FNIP2: variants seen among roughly 807,000 people sequenced by gnomAD.
FNIP2 encodes folliculin interacting protein 2.
In FNIP2, 32 loss-of-function variants were observed where a neutral mutation model predicts 108.7. That is an observed-to-expected ratio of 0.29 (90% confidence interval 0.22 to 0.40). The LOEUF is 0.40. FNIP2 is among the 10% of genes least tolerant of loss of function. The pLI is 1.00. For synonymous variants in FNIP2, 480 were observed against 496.7 expected, an observed-to-expected ratio of 0.97 and a Z score of 0.45; for missense variants, 1,202 against 1,381.6, an observed-to-expected ratio of 0.87 and a Z score of 2.06.
chr4:158,874,077 T>C (rs1027916171), intron 14 of FNIP2, among the ~76,000 whole-genome samples: 2 of 152,206 alleles, frequency 1.3e-5, no homozygotes, highest in African/African-American at 4.8e-5. Context: ...TGGCTTGAGT[T>C]TGAGTCCTGG....
intron 14 of FNIP2, among the ~76,000 whole-genome samples, chr4:158,886,696 A>G (rs1782042772): frequency 1.3e-5 from 2 of 152,218 alleles, no homozygotes; most frequent in Admixed American, 6.5e-5. Context: ...AAAGAGGGTA[A>G]TTGATGTCAG....
chr4:158,820,388 C>G (rs911631111), intron 1 of FNIP2, among the ~76,000 whole-genome samples: 1 of 152,148 alleles, frequency 6.6e-6, no homozygotes. Context: ...AGCAAATCAC[C>G]CTGCAACATG....
intron 1 of FNIP2, among the ~76,000 whole-genome samples, chr4:158,783,724 T>C (rs1776126899): frequency 6.6e-6 from 1 of 152,214 alleles, no homozygotes; most frequent in South Asian, 2.1e-4. Flanking sequence ...ACATTTGAAC[T>C]GCATTGCTCT....
At chr4:158,883,969 T>C (rs1224201755) in intron 14 of FNIP2, among the ~76,000 whole-genome samples, 1 of 65,030 alleles carries the variant, frequency 1.5e-5, no homozygotes, top group Admixed American at 1.6e-4. Context: ...TTTTTTTTTT[T>C]GTCCTGAGTG....
intron 1 of FNIP2, chr4:158,806,037 C>T (rs947435905): frequency 2.8e-6 from 2 of 702,688 alleles, no homozygotes; most frequent in Non-Finnish European, 3.6e-6. Flanking sequence ...ATGAATGTTC[C>T]ACCTTTTTTT....
intron 1 of FNIP2, among the ~76,000 whole-genome samples, chr4:158,803,333 G>A (rs1222403908): frequency 6.6e-6 from 1 of 152,140 alleles, no homozygotes; most frequent in African/African-American, 2.4e-5. Flanking sequence ...GCATGATAAT[G>A]AATAACAATG....
At chr4:158,855,051 T>C (rs181432440) in intron 8 of FNIP2, among the ~76,000 whole-genome samples, 54 of 152,284 alleles carry the variant, frequency 3.5e-4, no homozygotes, top group Middle Eastern at 3.4e-3. Flanking sequence ...TCTATGCCTT[T>C]GGGGAGAAAG....
At chr4:158,883,326 C>A (rs1322680899) in intron 14 of FNIP2, among the ~76,000 whole-genome samples, 1 of 152,138 alleles carries the variant, frequency 6.6e-6, no homozygotes, top group African/African-American at 2.4e-5. Context: ...ACTGCAAGCT[C>A]CGCCTCCTGG....
At chr4:158,815,181 A>G (rs1238719457) in intron 1 of FNIP2, among the ~76,000 whole-genome samples, 1 of 152,166 alleles carries the variant, frequency 6.6e-6, no homozygotes, top group African/African-American at 2.4e-5. Flanking sequence ...GAACAAAGAG[A>G]TTAGGTAACT....
chr4:158,904,337 C>T, intron 16 of FNIP2, 129 bp from the exon 17 acceptor site: 1 of 796,472 alleles, frequency 1.3e-6, no homozygotes, highest in Non-Finnish European at 2.0e-6. Flanking sequence ...TTTGCTTTTT[C>T]ATTAGTTTTA....
At chr4:158,775,488 C>T (rs1321026915) in intron 1 of FNIP2, among the ~76,000 whole-genome samples, 1 of 152,094 alleles carries the variant, frequency 6.6e-6, no homozygotes, top group African/African-American at 2.4e-5. Context: ...TTCCCTCAAC[C>T]CCACCCCATC....
At chr4:158,816,733 C>T (rs1316236827) in intron 1 of FNIP2, among the ~76,000 whole-genome samples, 1 of 148,736 alleles carries the variant, frequency 6.7e-6, no homozygotes, top group Non-Finnish European at 1.5e-5. Flanking sequence ...TGCAGTGAGC[C>T]GAGATTGCAC....
rs372665345 is a variant in FNIP2 at position 158,838,987 on chromosome 4, GAAGTA to G, written c.727+3516_727+3520del. Reference sequence around the variant, plus strand: ...GTGGGTTTGGGGAAGGAAGATCATAGAAGTAAAGTGCCATTTTCGTCACATCCTAT... The same window carrying G: ...GTGGGTTTGGGGAAGGAAGATCATAGAAGTGCCATTTTCGTCACATCCTAT... On this transcript the variant is annotated intron_variant, in intron 7 of 16. Coordinates refer to ENST00000264433, the MANE Select transcript of FNIP2 (RefSeq NM_020840.3). 2.8e-3 allele frequency among the ~76,000 whole-genome samples: 422 copies of G among 152,286 alleles called. 2 individuals are homozygous for G. The highest frequency in any genetic ancestry group is 9.6e-3 in the African/African-American group (401 of 41,562).
intron 14 of FNIP2, among the ~76,000 whole-genome samples, chr4:158,872,896 A>G (rs1781040270): frequency 6.6e-6 from 1 of 152,208 alleles, no homozygotes; most frequent in South Asian, 2.1e-4. Flanking sequence ...CAGAAAAAGA[A>G]GCAGAGATCC....
chr4:158,875,852 C>T (rs1781251654), intron 14 of FNIP2, among the ~76,000 whole-genome samples: 1 of 152,020 alleles, frequency 6.6e-6, no homozygotes, highest in South Asian at 2.1e-4. Flanking sequence ...GTCCACTGGC[C>T]TATGGAGCAC....
At position 158,825,949 on chromosome 4, in the gene FNIP2, T is replaced by G. The variant is rs746342802; in HGVS notation, c.141T>G (p.Ile47Met). 6.2e-7 allele frequency: 1 copy of G among 1,608,700 alleles called. No homozygotes were observed. The highest frequency in any genetic ancestry group is 2.2e-5 in the East Asian group (1 of 44,816). ...GTTCGGAGTTTGACCTGAATGAGATTCGCCTGATAGTTTACCAGGACTGTG... is the reference window on the plus strand; with the variant it reads ...GTTCGGAGTTTGACCTGAATGAGATGCGCCTGATAGTTTACCAGGACTGTG... ...WSCSEFDLNEIRLIVYQDCDR... is the reference protein window; with the variant it reads ...WSCSEFDLNEMRLIVYQDCDR... The change falls in exon 2 of 17, where the codon ATT becomes ATG. Residue 47 changes from isoleucine (I) to methionine (M), a missense_variant. Transcript: ENST00000264433.
chr4:158,775,374 A>G (rs1775826410), intron 1 of FNIP2, among the ~76,000 whole-genome samples: 1 of 152,210 alleles, frequency 6.6e-6, no homozygotes, highest in African/African-American at 2.4e-5. Context: ...GTGAGTTCCT[A>G]CTTACCAAGC....
In FNIP2 at chr4:158,907,372, T is replaced by G. The variant is rs1729929353; in HGVS notation, c.*2828T>G. ...ATAATCTTTTCACATCCCATGGAAC[T>G]GCCGTTTACACATTGCAACTTTTTA... On this transcript the variant is annotated 3_prime_UTR_variant, in exon 17 of 17. Transcript: ENST00000264433. 6.6e-6 allele frequency: 1 copy of G among 152,224 alleles called. No homozygotes were observed. The highest frequency in any genetic ancestry group is 6.5e-5 in the Admixed American group (1 of 15,274). The allele number at this position is 152,224 out of a possible 1,614,324, so 9.4% of individuals were successfully genotyped here. A position where few individuals can be genotyped will look rare whatever the true frequency, so the allele number is the denominator to read the frequency against.
chr4:158,800,040 T>G (rs1776710148), intron 1 of FNIP2, among the ~76,000 whole-genome samples: 1 of 152,086 alleles, frequency 6.6e-6, no homozygotes, highest in Non-Finnish European at 1.5e-5. Context: ...CTCTTTTTGG[T>G]GTTAAAGTTT....
Sources: gnomAD v4.1 joint callset for allele counts (sites outside exome capture counted in the v4.1 genomes callset) on GRCh38, gnomAD v4.1.1 for gene constraint, MANE v1.5 for transcripts, NCBI Gene and HGNC (gene_info 2026-07-23, HGNC 2026-07-21) for gene names.